TESC: variants seen among roughly 807,000 people sequenced by gnomAD.
TESC encodes tescalcin.
A neutral mutation model predicts 31.0 loss-of-function variants in TESC; 19 were observed. The observed-to-expected ratio is 0.61, with a 90% CI of 0.43 to 0.90. The LOEUF (loss-of-function observed/expected upper bound fraction) is 0.90, where lower values mean the gene tolerates loss of function less well. TESC is among the 40% of genes least tolerant of loss of function. The probability of loss-of-function intolerance (pLI) is 0.00; values close to 1 mark genes in which losing one functional copy is unlikely to be tolerated. For synonymous variants in TESC, 109 were observed against 114.8 expected, an observed-to-expected ratio of 0.95 and a Z score of 0.32; for missense variants, 248 against 303.8, an observed-to-expected ratio of 0.82 and a Z score of 1.36.
intron 1 of TESC, among the ~76,000 whole-genome samples, chr12:117,093,143 G>C (rs975947828): frequency 1.1e-4 from 17 of 152,206 alleles, no homozygotes; most frequent in Admixed American, 6.5e-4. Context: ...TGCTACAGTT[G>C]TTGGGGTGCT....
chr12:117,063,240 G>A (rs1272804987), intron 2 of TESC, among the ~76,000 whole-genome samples: 1 of 152,154 alleles, frequency 6.6e-6, no homozygotes, highest in Non-Finnish European at 1.5e-5. Flanking sequence ...CTCCAGGCTG[G>A]CTCGAACCAT....
At chr12:117,042,472 G>A (rs1484412778) in intron 6 of TESC, among the ~76,000 whole-genome samples, 1 of 152,212 alleles carries the variant, frequency 6.6e-6, no homozygotes, top group Non-Finnish European at 1.5e-5. Flanking sequence ...GCTAATCTAA[G>A]CTCACAGACC....
intron 1 of TESC, among the ~76,000 whole-genome samples, chr12:117,079,041 G>A (rs1955110224): frequency 6.6e-6 from 1 of 152,130 alleles, no homozygotes; most frequent in African/African-American, 2.4e-5. Flanking sequence ...ATAAACTGAG[G>A]CTCAGAAGGG....
At chr12:117,056,359 A>ATTT in intron 3 of TESC, among the ~76,000 whole-genome samples, 1 of 138,344 alleles carries the variant, frequency 7.2e-6, no homozygotes, top group African/African-American at 3.0e-5. Context: ...GCCCAGCCTT[A>ATTT]AATTTTCTTT....
intron 2 of TESC, among the ~76,000 whole-genome samples, chr12:117,073,162 A>G (rs2135782456): frequency 6.6e-6 from 1 of 151,950 alleles, no homozygotes; most frequent in African/African-American, 2.4e-5. Flanking sequence ...CCTGGTTGAA[A>G]CCACCCGCCC....
At chr12:117,066,373 A>AC (rs546865265) in intron 2 of TESC, among the ~76,000 whole-genome samples, 3 of 129,636 alleles carry the variant, frequency 2.3e-5, no homozygotes, top group African/African-American at 3.0e-5. Context: ...TGAATGGCTA[A>AC]TTTTTTTTTT....
At chr12:117,080,475 G>A (rs1334051965) in intron 1 of TESC, among the ~76,000 whole-genome samples, 2 of 152,106 alleles carry the variant, frequency 1.3e-5, no homozygotes, top group South Asian at 2.1e-4. Flanking sequence ...ATGCACACAC[G>A]TGCAAATTCA....
chr12:117,060,431 G>A (rs1300087556), intron 2 of TESC, among the ~76,000 whole-genome samples: 1 of 152,156 alleles, frequency 6.6e-6, no homozygotes, highest in Admixed American at 6.5e-5. Flanking sequence ...CTCACTGCTC[G>A]GAGACAGCTC....
At chr12:117,072,354 A>T (rs979778641) in intron 2 of TESC, among the ~76,000 whole-genome samples, 5 of 152,044 alleles carry the variant, frequency 3.3e-5, no homozygotes, top group Non-Finnish European at 5.9e-5. Context: ...AAGTGCTGAG[A>T]TTATAGTCGT....
chr12:117,061,315 T>C (rs1954797854), intron 2 of TESC, among the ~76,000 whole-genome samples: 1 of 152,118 alleles, frequency 6.6e-6, no homozygotes, highest in South Asian at 2.1e-4. Flanking sequence ...ATAATGAAGA[T>C]GGCTGCACGC....
At chr12:117,078,772 A>G (rs747424204) in intron 1 of TESC, among the ~76,000 whole-genome samples, 3 of 152,176 alleles carry the variant, frequency 2.0e-5, no homozygotes, top group Non-Finnish European at 2.9e-5. Flanking sequence ...TCTCATCTCA[A>G]TACCTGGATT....
chr12:117,052,683 G>A (rs59025063), intron 3 of TESC, among the ~76,000 whole-genome samples: 1,710 of 152,202 alleles, frequency 0.011, 28 homozygotes, highest in African/African-American at 0.039. Context: ...ATCTTTCAAC[G>A]ACAGCTCTGT....
chr12:117,086,974 G>A (rs1955226760), intron 1 of TESC, among the ~76,000 whole-genome samples: 1 of 152,182 alleles, frequency 6.6e-6, no homozygotes, highest in Admixed American at 6.5e-5. Context: ...CCAAAACAAT[G>A]ACTAACCCTG....
At position 117,038,982 on chromosome 12, in the gene TESC, C is replaced by G; in HGVS notation, c.*151G>C. ...GATAAAAACAGCGAAGTCCCACATA[C>G]CATACCCTACAAGACACAAGGTGCG... is the stretch of plus-strand genomic sequence containing the variant. On this transcript the variant is annotated 3_prime_UTR_variant, in exon 8 of 8. Coordinates refer to ENST00000335209, the MANE Select transcript of TESC (RefSeq NM_017899.4). 2 of 729,792 alleles carry G rather than the reference C, an allele frequency of 2.7e-6. No individual in the cohort carries two copies. Among genetic ancestry groups the G allele is most frequent in the Non-Finnish European group, 4.5e-6 (2 of 440,944 alleles). 45.2% of individuals were successfully genotyped at this position (729,792 alleles called of 1,614,324 possible). A position where few individuals can be genotyped will look rare whatever the true frequency, so the allele number is the denominator to read the frequency against.
At chr12:117,067,735 G>A (rs1954907210) in intron 2 of TESC, among the ~76,000 whole-genome samples, 1 of 152,232 alleles carries the variant, frequency 6.6e-6, no homozygotes. Flanking sequence ...GACCTACTGT[G>A]TAATTTTAAC....
At chr12:117,095,641 G>T (rs573760209) in intron 1 of TESC, among the ~76,000 whole-genome samples, 1 of 152,268 alleles carries the variant, frequency 6.6e-6, no homozygotes, top group African/African-American at 2.4e-5. Flanking sequence ...GCTTTCAAGA[G>T]GCTGAAGTGG....
chr12:117,098,208 C>T (rs1040538546), intron 1 of TESC, among the ~76,000 whole-genome samples: 3 of 152,200 alleles, frequency 2.0e-5, no homozygotes, highest in Non-Finnish European at 4.4e-5. Context: ...CTAGCTCTTT[C>T]CCAAAATATC....
At chr12:117,069,808 T>C (rs1565968662) in intron 2 of TESC, among the ~76,000 whole-genome samples, 1 of 152,228 alleles carries the variant, frequency 6.6e-6, no homozygotes, top group Non-Finnish European at 1.5e-5. Flanking sequence ...AGTTCTTCTT[T>C]AAACTTCTAA....
At chr12:117,070,390 A>G (rs767313340) in intron 2 of TESC, among the ~76,000 whole-genome samples, 4 of 152,182 alleles carry the variant, frequency 2.6e-5, no homozygotes, top group African/African-American at 4.8e-5. Flanking sequence ...GCCTGTTTGC[A>G]TAAGAAGCTG....
Sources: allele counts gnomAD v4.1 joint callset (sites outside exome capture counted in the v4.1 genomes callset), GRCh38; gene constraint gnomAD v4.1.1; transcripts MANE v1.5; gene names NCBI Gene and HGNC (gene_info 2026-07-23, HGNC 2026-07-21).